RASSF3: variants seen among roughly 807,000 people sequenced by gnomAD.
RASSF3 encodes ras association domain-containing protein 3.
A neutral mutation model predicts 19.9 loss-of-function variants in RASSF3; 19 were observed. The ratio of observed to expected loss-of-function variants is 0.96; its 90% CI spans 0.67 to 1.40. RASSF3 has a LOEUF of 1.40. Among genes scored for constraint, RASSF3 ranks in the 40% most tolerant of loss-of-function variants. RASSF3 has a pLI of 0.00. For synonymous variants in RASSF3, 110 were observed against 104.2 expected (o/e 1.06, Z -0.34); for missense variants, 306 against 289.8 (o/e 1.06, Z -0.41).
At chr12:64,533,677 C>G (rs1033802924) in intron 1 of RASSF3, 4 of 152,144 alleles carry the variant, frequency 2.6e-5, no homozygotes, top group African/African-American at 9.7e-5. Flanking sequence ...AACATTAACT[C>G]CAGCGTTATT....
chr12:64,644,468 G>A lies in RASSF3; in HGVS notation c.111+33725G>A, dbSNP rs569543842. On this transcript the variant is annotated intron_variant, in intron 1 of 4. Coordinates refer to ENST00000542104, the MANE Select transcript of RASSF3 (RefSeq NM_178169.4). ...CCCAGAACTTTAGGAGGCCGAGATG[G>A]GCAGATCACTTAAGCCCAGGAGTTG... Among the ~76,000 whole-genome samples the A allele has an allele frequency of 5.3e-5, 8 of 152,180 alleles. No homozygotes were observed. In the South Asian group the frequency reaches 1.7e-3, roughly 32 times the overall value.
chr12:64,539,391 A>G (rs1017170534), intron 1 of RASSF3, among the ~76,000 whole-genome samples: 5 of 152,182 alleles, frequency 3.3e-5, no homozygotes, highest in African/African-American at 7.2e-5. Flanking sequence ...GAATTTGGGA[A>G]TTAAGTTTCC....
At chr12:64,573,322 A>T (rs757172561) in intron 2 of RASSF3, among the ~76,000 whole-genome samples, 1 of 152,198 alleles carries the variant, frequency 6.6e-6, no homozygotes, top group African/African-American at 2.4e-5. Flanking sequence ...AAAACAAACA[A>T]ACAAAAACAC....
At chr12:64,510,598 A>C (rs894018134) in intron 1 of RASSF3, among the ~76,000 whole-genome samples, 1 of 152,244 alleles carries the variant, frequency 6.6e-6, no homozygotes, top group Admixed American at 6.5e-5. Context: ...ACTCCCTGTA[A>C]CAGCACAATT....
At chr12:64,682,602 T>C (rs1037101880) in intron 1 of RASSF3, among the ~76,000 whole-genome samples, 3 of 151,634 alleles carry the variant, frequency 2.0e-5, no homozygotes, top group Non-Finnish European at 4.4e-5. Flanking sequence ...CCGAGATAAT[T>C]TGTAGTCAGC....
chr12:64,648,802 A>ATTTTTTTTTTT lies in RASSF3; in HGVS notation c.112-35975_112-35965dup, dbSNP rs60003798. ...GGCCAAGCTTCTTGTTTTTACATTG[A>ATTTTTTTTTTT]TTTTTTTTTTTTTTTTTTTTAGAGA... On this transcript the variant is annotated intron_variant, in intron 1 of 4. Coordinates refer to ENST00000542104, the MANE Select transcript of RASSF3 (RefSeq NM_178169.4). 2.2e-3 allele frequency among the ~76,000 whole-genome samples: 227 copies of ATTTTTTTTTTT among 104,980 alleles called. 11 individuals are homozygous for ATTTTTTTTTTT. Among genetic ancestry groups the ATTTTTTTTTTT allele is most frequent in the Middle Eastern group, 0.012 (2 of 172 alleles). The allele number at this position is 104,980 out of a possible 152,430, so 68.9% of individuals were successfully genotyped here.
chr12:64,628,945 A>T (rs945965843), intron 1 of RASSF3, among the ~76,000 whole-genome samples: 2 of 149,318 alleles, frequency 1.3e-5, no homozygotes, highest in African/African-American at 4.9e-5. Context: ...TATTATTATT[A>T]TTTTTTTGAG....
At chr12:64,648,258 G>C (rs1871809717) in intron 1 of RASSF3, among the ~76,000 whole-genome samples, 1 of 152,202 alleles carries the variant, frequency 6.6e-6, no homozygotes, top group African/African-American at 2.4e-5. Flanking sequence ...GTGGCCTTTT[G>C]AGGCATTTCC....
rs191239837 is a variant in RASSF3, at chr12:64,640,891, C to T, written c.111+30148C>T. ...TCCTGGGTTCAAGCAGTCCTCCCTC[C>T]TCGACCTCCCAAAGTGCTGGGAGGT... On this transcript the variant is annotated intron_variant, in intron 1 of 4. Transcript: ENST00000542104. Among the ~76,000 whole-genome samples the T allele has an allele frequency of 7.9e-5, 12 of 152,182 alleles. No homozygotes were observed. The East Asian group carries it at 2.3e-3, about 30-fold the overall frequency.
intron 2 of RASSF3, among the ~76,000 whole-genome samples, chr12:64,578,999 T>A (rs1428746289): frequency 6.6e-6 from 1 of 152,072 alleles, no homozygotes; most frequent in Non-Finnish European, 1.5e-5. Context: ...TGGTGGCGCA[T>A]GCCTGTAATC....
At chr12:64,676,772 C>T (rs1434192974) in intron 1 of RASSF3, among the ~76,000 whole-genome samples, 4 of 129,108 alleles carry the variant, frequency 3.1e-5, no homozygotes, top group Non-Finnish European at 5.0e-5. Flanking sequence ...CACCTGGCCA[C>T]TTTTTTTTTT....
intron 2 of RASSF3, among the ~76,000 whole-genome samples, chr12:64,580,621 C>G (rs1024937376): frequency 6.6e-6 from 1 of 150,538 alleles, no homozygotes; most frequent in Non-Finnish European, 1.5e-5. Context: ...CACATCCACA[C>G]AGATAAATTT....
chr12:64,523,011 A>G (rs185460897), intron 1 of RASSF3, among the ~76,000 whole-genome samples: 1 of 152,348 alleles, frequency 6.6e-6, no homozygotes, highest in Admixed American at 6.5e-5. Context: ...GGGGTGGGGA[A>G]GAGTGCTGAC....
At chr12:64,675,347 G>A (rs907852463) in intron 1 of RASSF3, among the ~76,000 whole-genome samples, 13 of 151,812 alleles carry the variant, frequency 8.6e-5, no homozygotes, top group African/African-American at 3.1e-4. Context: ...ATGGGGTTTC[G>A]CAATGTTGCC....
chr12:64,570,563 G>T (rs1869501416), intron 2 of RASSF3, among the ~76,000 whole-genome samples: 1 of 152,120 alleles, frequency 6.6e-6, no homozygotes, highest in African/African-American at 2.4e-5. Flanking sequence ...CTCCTTCTTT[G>T]TCAAGCCACT....
intron 1 of RASSF3, among the ~76,000 whole-genome samples, chr12:64,680,099 T>G (rs892365435): frequency 6.6e-6 from 1 of 152,184 alleles, no homozygotes; most frequent in Non-Finnish European, 1.5e-5. Flanking sequence ...TTCTCTTCCT[T>G]TTTCCTGGGC....
chr12:64,513,844 G>A (rs549649375), intron 1 of RASSF3, among the ~76,000 whole-genome samples: 1 of 152,168 alleles, frequency 6.6e-6, no homozygotes, highest in East Asian at 1.9e-4. Flanking sequence ...GCTATTCTAG[G>A]ATTTGGAAGA....
At position 64,674,921 on chromosome 12, in the gene RASSF3, C is replaced by G. The variant is rs1344030062; in HGVS notation, c.112-9866C>G. ...CTGTGTGCACTCTTTCTCTCTTGCT[C>G]TCTTGTTTTTCTTTCTTACAAGTAT... On this transcript the variant is annotated intron_variant, in intron 1 of 4. Coordinates refer to ENST00000542104, the MANE Select transcript of RASSF3 (RefSeq NM_178169.4). 2.0e-5 allele frequency among the ~76,000 whole-genome samples: 3 copies of G among 152,068 alleles called. No homozygotes were observed. The South Asian group carries it at 6.2e-4, about 32-fold the overall frequency.
intron 2 of RASSF3, among the ~76,000 whole-genome samples, chr12:64,604,749 T>C (rs1434918045): frequency 6.6e-6 from 1 of 151,694 alleles, no homozygotes; most frequent in Non-Finnish European, 1.5e-5. Flanking sequence ...GTCATTCTCC[T>C]GCCTCAGCCT....
Sources: allele counts gnomAD v4.1 joint callset (sites outside exome capture counted in the v4.1 genomes callset), GRCh38; gene constraint gnomAD v4.1.1; transcripts MANE v1.5; gene names NCBI Gene and HGNC (gene_info 2026-07-23, HGNC 2026-07-21).